The following DPYSL2 variants were observed in gnomAD, a reference collection of about 807,000 sequenced individuals.
The protein encoded by DPYSL2 is dihydropyrimidinase like 2.
In DPYSL2, 13 loss-of-function variants were observed where a neutral mutation model predicts 69.9. The ratio of observed to expected loss-of-function variants is 0.19; its 90% CI spans 0.12 to 0.30. DPYSL2 has a LOEUF of 0.30. DPYSL2 is among the 10% of genes least tolerant of loss of function. The probability of loss-of-function intolerance (pLI) is 1.00; values close to 1 mark genes in which losing one functional copy is unlikely to be tolerated. For synonymous variants in DPYSL2, 326 were observed against 359.1 expected (o/e 0.91, Z 1.04); for missense variants, 587 against 918.9 (o/e 0.64, Z 4.67).
At chr8:26,592,906 C>G (rs553876676) in intron 3 of DPYSL2, among the ~76,000 whole-genome samples, 1 of 152,202 alleles carries the variant, frequency 6.6e-6, no homozygotes, top group Admixed American at 6.5e-5. Flanking sequence ...TTTCCTCTTC[C>G]TCCCCAAGCT....
chr8:26,550,487 A>G (rs1374757158), intron 1 of DPYSL2, among the ~76,000 whole-genome samples: 3 of 152,236 alleles, frequency 2.0e-5, no homozygotes, highest in Admixed American at 6.5e-5. Context: ...CAGTTTAGAG[A>G]TAGAGATTGT....
chr8:26,546,957 GA>G (rs1800781946), intron 1 of DPYSL2, among the ~76,000 whole-genome samples: 1 of 96,780 alleles, frequency 1.0e-5, no homozygotes, highest in Non-Finnish European at 2.1e-5. Context: ...AAAAAGAAAA[GA>G]AAAATCCTGC....
rs752161545 is a variant in DPYSL2 at position 26,626,769 on chromosome 8, G to A, written c.855+91G>A. The A allele has an allele frequency of 7.5e-7, 1 of 1,330,352 alleles. No individual in the cohort carries two copies. The highest frequency in any genetic ancestry group is 1.1e-6 in the Non-Finnish European group (1 of 938,572). The allele number at this position is 1,330,352 out of a possible 1,614,324, so 82.4% of individuals were successfully genotyped here. On this transcript the variant is annotated intron_variant, in intron 5 of 13. Coordinates refer to ENST00000521913, the MANE Select transcript of DPYSL2 (RefSeq NM_001197293.3). The surrounding 1 kb of genome is among the most constrained non-coding windows in gnomAD (Gnocchi z 4.3). ...GGAAAGCAGTCTCCGATGTATGCAT[G>A]TTTCCTAGCTTCCTGGGAAGTGGCT...
In DPYSL2 at chr8:26,644,149, T is replaced by TG; in HGVS notation, c.1425+63dup. ...CTCAGCCTTCCTTGTCCTCCTCATC[T>TG]GGGGGCCATGGGGCTCATGGAGGCC... On this transcript the variant is annotated intron_variant, in intron 10 of 13. Transcript: ENST00000521913. The surrounding 1 kb of genome is among the most constrained non-coding windows in gnomAD (Gnocchi z 4.5). 4 of 1,577,406 alleles carry TG rather than the reference T, an allele frequency of 2.5e-6. No individual in the cohort carries two copies. Among genetic ancestry groups the TG allele is most frequent in the Non-Finnish European group, 3.4e-6 (4 of 1,159,954 alleles).
Position 26,639,017 on chromosome 8 carries a change from C to T in DPYSL2, c.1126+4117C>T, listed in dbSNP as rs554295017. On this transcript the variant is annotated intron_variant, in intron 8 of 13. Coordinates refer to ENST00000521913, the MANE Select transcript of DPYSL2 (RefSeq NM_001197293.3). ...ACATTCTTTTCCGTCCTCCTCCTCA[C>T]CCCTCTCCCATAACCCGGGTGCAGA... Among the ~76,000 whole-genome samples the T allele has an allele frequency of 1.6e-3, 249 of 152,350 alleles. 1 individual carries two copies. The highest frequency in any genetic ancestry group is 5.8e-3 in the African/African-American group (240 of 41,580).
At position 26,648,304 on chromosome 8, in the gene DPYSL2, C is replaced by T. The variant is rs545648186; in HGVS notation, c.1596+504C>T. Among the ~76,000 whole-genome samples the T allele has an allele frequency of 6.6e-6, 1 of 152,302 alleles. No homozygotes were observed. Among genetic ancestry groups the T allele is most frequent in the South Asian group, 2.1e-4 (1 of 4,830 alleles). On this transcript the variant is annotated intron_variant, in intron 11 of 13. Coordinates refer to ENST00000521913, the MANE Select transcript of DPYSL2 (RefSeq NM_001197293.3). The surrounding 1 kb of genome is among the most constrained non-coding windows in gnomAD (Gnocchi z 4.3). ...AAGGAATTGATTGACTGACTTCTCC[C>T]TAACAGAAGTACCCCCCAGCCATTT...
rs1311623271 is a variant in DPYSL2, at chr8:26,624,373, C to T, written c.793+66C>T. On this transcript the variant is annotated intron_variant, in intron 4 of 13. Transcript: ENST00000521913. This position sits in a 1 kb window ranked among gnomAD's most constrained non-coding sequence, Gnocchi z 4.7. ...CTTCAGTCCATCAACTGGCACAGCC[C>T]TGGGAAGAAAGTGATAATGCTTCCA... is the stretch of plus-strand genomic sequence containing the variant. The T allele has an allele frequency of 1.9e-6, 3 of 1,564,994 alleles. No individual in the cohort carries two copies. The highest frequency in any genetic ancestry group is 2.6e-6 in the Non-Finnish European group (3 of 1,149,380).
At chr8:26,596,554 T>C (rs550933678) in intron 3 of DPYSL2, among the ~76,000 whole-genome samples, 161 of 152,290 alleles carry the variant, frequency 1.1e-3, no homozygotes, top group African/African-American at 3.7e-3. Context: ...CAAGAGATGG[T>C]TAGAAGAAAG....
At chr8:26,592,224 C>T (rs1381210566) in intron 3 of DPYSL2, among the ~76,000 whole-genome samples, 4 of 152,154 alleles carry the variant, frequency 2.6e-5, no homozygotes, top group East Asian at 3.9e-4. Context: ...TGCAGTGTTG[C>T]GATCATAGCT....
At chr8:26,636,533 A>G (rs182508096) in intron 8 of DPYSL2, among the ~76,000 whole-genome samples, 41 of 152,328 alleles carry the variant, frequency 2.7e-4, no homozygotes, top group Non-Finnish European at 4.9e-4. Flanking sequence ...ACCTGTCCAA[A>G]TGAGAAGACG....
Position 26,609,444 on chromosome 8 carries a change from C to T in DPYSL2, c.629-14699C>T, listed in dbSNP as rs150250476. Among the ~76,000 whole-genome samples, 333 of 152,292 alleles carry T rather than the reference C, an allele frequency of 2.2e-3. 1 individual carries two copies. The highest frequency in any genetic ancestry group is 7.8e-3 in the African/African-American group (324 of 41,554). On this transcript the variant is annotated intron_variant, in intron 3 of 13. Transcript: ENST00000521913. This position sits in a 1 kb window ranked among gnomAD's most constrained non-coding sequence, Gnocchi z 6.5. The stretch of plus-strand genomic sequence containing the variant: ...GATTCCCTTCCCAGCAAGGAACCAA[C>T]AGGAAGGAAAACGAAGTCAAACCCA...
chr8:26,547,184 G>A (rs1283604301), intron 1 of DPYSL2, among the ~76,000 whole-genome samples: 9 of 151,716 alleles, frequency 5.9e-5, no homozygotes, highest in Middle Eastern at 3.2e-3. Context: ...GCAATGTGGC[G>A]AAATCCTGTC....
chr8:26,649,601 C>T (rs1024128889), intron 11 of DPYSL2, among the ~76,000 whole-genome samples: 2 of 152,206 alleles, frequency 1.3e-5, no homozygotes, highest in African/African-American at 4.8e-5. Flanking sequence ...TGTGCCTGTT[C>T]GTTCATCTTC....
intron 8 of DPYSL2, among the ~76,000 whole-genome samples, chr8:26,636,152 T>C (rs548989913): frequency 6.6e-6 from 1 of 151,474 alleles, no homozygotes; most frequent in African/African-American, 2.4e-5. Flanking sequence ...CTTGAAGGAA[T>C]TGCCTTTTAG....
chr8:26,527,186 A>G (rs1042226338), intron 1 of DPYSL2, among the ~76,000 whole-genome samples: 1 of 152,128 alleles, frequency 6.6e-6, no homozygotes, highest in African/African-American at 2.4e-5. Flanking sequence ...TCAACAGGAG[A>G]ATGCCCAACC....
chr8:26,541,660 G>T (rs1800685589), intron 1 of DPYSL2, among the ~76,000 whole-genome samples: 1 of 152,134 alleles, frequency 6.6e-6, no homozygotes, highest in South Asian at 2.1e-4. Context: ...AGCATTCTTT[G>T]TCTACAAGAA....
At position 26,654,173 on chromosome 8, in the gene DPYSL2, G is replaced by A. The variant is rs1462572278; in HGVS notation, c.1942+776G>A. On this transcript the variant is annotated intron_variant, in intron 13 of 13. Transcript: ENST00000521913. The surrounding 1 kb of genome is among the most constrained non-coding windows in gnomAD (Gnocchi z 5.0). ...GTAGTTGCTCCCCCGTGAGGTTGTT[G>A]TGAGGGTTAAATGGGTTAATATATA... 2.0e-5 allele frequency among the ~76,000 whole-genome samples: 3 copies of A among 152,174 alleles called. No individual in the cohort carries two copies. The highest frequency in any genetic ancestry group is 7.2e-5 in the African/African-American group (3 of 41,444).
intron 1 of DPYSL2, among the ~76,000 whole-genome samples, chr8:26,539,145 T>C (rs1800640354): frequency 6.6e-6 from 1 of 152,240 alleles, no homozygotes; most frequent in Non-Finnish European, 1.5e-5. Flanking sequence ...TTTTAACATA[T>C]TTTAGGCATT....
chr8:26,555,748 T>TG, intron 1 of DPYSL2, among the ~76,000 whole-genome samples: 1 of 150,296 alleles, frequency 6.7e-6, no homozygotes, highest in East Asian at 2.0e-4. Flanking sequence ...TTAGCTTGGT[T>TG]GGGGGGCGTG....
Sources: gnomAD v4.1 joint callset for allele counts (sites outside exome capture counted in the v4.1 genomes callset) on GRCh38, gnomAD v4.1.1 for gene constraint, Gnocchi (gnomAD v3.1) non-coding constraint, MANE v1.5 for transcripts, NCBI Gene and HGNC (gene_info 2026-07-23, HGNC 2026-07-21) for gene names.